The following OPCML variants were observed in gnomAD, a reference collection of about 807,000 sequenced individuals.
The protein encoded by OPCML is opioid binding protein/cell adhesion molecule like.
A neutral mutation model predicts 37.8 loss-of-function variants in OPCML; 13 were observed. That is an observed-to-expected ratio of 0.34 (90% CI 0.22 to 0.55). The LOEUF is 0.55. Ranked by LOEUF, OPCML falls within the 20% of genes least tolerant of loss-of-function variation. The probability of loss-of-function intolerance (pLI) is 0.91; values close to 1 mark genes in which losing one functional copy is unlikely to be tolerated. For synonymous variants in OPCML, 176 were observed against 168.8 expected, an observed-to-expected ratio of 1.04 and a Z score of -0.33; for missense variants, 341 against 435.6, an observed-to-expected ratio of 0.78 and a Z score of 1.93.
intron 2 of OPCML, among the ~76,000 whole-genome samples, chr11:132,734,575 T>C (rs1470187789): frequency 2.0e-5 from 3 of 152,192 alleles, no homozygotes; most frequent in Non-Finnish European, 4.4e-5. Flanking sequence ...CATGACAGCA[T>C]CTTCATGAGA....
At chr11:133,463,112 T>C (rs1369059938) in intron 1 of OPCML, among the ~76,000 whole-genome samples, 6 of 106,752 alleles carry the variant, frequency 5.6e-5, no homozygotes, top group African/African-American at 2.7e-4. Context: ...GTTCATGACA[T>C]CAGGCTCAAA....
intron 1 of OPCML, among the ~76,000 whole-genome samples, chr11:133,375,450 C>A (rs1944781985): frequency 1.3e-5 from 2 of 152,224 alleles, no homozygotes; most frequent in South Asian, 4.1e-4. Context: ...ATTTCTTACA[C>A]CTCATTTCTC....
intron 2 of OPCML, among the ~76,000 whole-genome samples, chr11:132,865,733 T>C (rs1942515258): frequency 6.6e-6 from 1 of 152,330 alleles, no homozygotes; most frequent in East Asian, 1.9e-4. Context: ...CCTGCTGTCA[T>C]GACGATGCAG....
chr11:133,088,836 G>A (rs1430630687), intron 1 of OPCML, among the ~76,000 whole-genome samples: 3 of 152,126 alleles, frequency 2.0e-5, no homozygotes, highest in Admixed American at 2.0e-4. Context: ...TTCTAAAACG[G>A]GGAGAATAAG....
intron 1 of OPCML, among the ~76,000 whole-genome samples, chr11:133,476,799 C>A (rs193143961): frequency 6.6e-6 from 1 of 152,302 alleles, no homozygotes; most frequent in Admixed American, 6.5e-5. Context: ...CCATTTCACA[C>A]CCCCGCTGGC....
chr11:132,956,418 G>A (rs545906503), intron 1 of OPCML, among the ~76,000 whole-genome samples: 11 of 152,274 alleles, frequency 7.2e-5, no homozygotes, highest in South Asian at 2.1e-4. Flanking sequence ...TTCTCATAAC[G>A]TATGTTTACA....
At chr11:132,862,826 A>C (rs1420771932) in intron 2 of OPCML, among the ~76,000 whole-genome samples, 3 of 152,234 alleles carry the variant, frequency 2.0e-5, no homozygotes, top group Non-Finnish European at 4.4e-5. Context: ...TTGGCTTAAA[A>C]TATTTCAAAT....
At chr11:133,289,637 G>A (rs1005978307) in intron 1 of OPCML, among the ~76,000 whole-genome samples, 3 of 150,494 alleles carry the variant, frequency 2.0e-5, no homozygotes, top group African/African-American at 4.9e-5. Context: ...TTAGTTTCAC[G>A]CTATTCCCAT....
At chr11:133,479,945 C>A (rs534282074) in intron 1 of OPCML, among the ~76,000 whole-genome samples, 31 of 152,314 alleles carry the variant, frequency 2.0e-4, no homozygotes, top group African/African-American at 7.5e-4. Flanking sequence ...TTTCTGAGCA[C>A]CACCCAAGGA....
intron 4 of OPCML, among the ~76,000 whole-genome samples, chr11:132,499,943 T>C (rs1206573914): frequency 6.6e-6 from 1 of 152,186 alleles, no homozygotes; most frequent in Non-Finnish European, 1.5e-5. Flanking sequence ...AACCCAAGTA[T>C]AGGCCTATTT....
At chr11:133,330,271 A>C (rs1943585803) in intron 1 of OPCML, among the ~76,000 whole-genome samples, 1 of 152,242 alleles carries the variant, frequency 6.6e-6, no homozygotes, top group Non-Finnish European at 1.5e-5. Flanking sequence ...TGTGGAAGTC[A>C]GTGTGGCGAT....
chr11:132,487,390 C>G (rs1293875706), intron 4 of OPCML, among the ~76,000 whole-genome samples: 1 of 152,224 alleles, frequency 6.6e-6, no homozygotes, highest in African/African-American at 2.4e-5. Context: ...TAATCTCCAA[C>G]ATACCCATGG....
At chr11:133,367,838 C>T (rs2136741965) in intron 1 of OPCML, among the ~76,000 whole-genome samples, 1 of 152,250 alleles carries the variant, frequency 6.6e-6, no homozygotes, top group East Asian at 1.9e-4. Flanking sequence ...CATTTAGCAC[C>T]CCATTAGCCA....
At chr11:133,390,859 C>T (rs1221382860) in intron 1 of OPCML, among the ~76,000 whole-genome samples, 2 of 152,164 alleles carry the variant, frequency 1.3e-5, no homozygotes, top group Admixed American at 1.3e-4. Flanking sequence ...ACTATAGGCC[C>T]CTCCATTCCA....
chr11:133,232,852 C>G (rs188428820), intron 1 of OPCML, among the ~76,000 whole-genome samples: 55 of 152,310 alleles, frequency 3.6e-4, no homozygotes, highest in African/African-American at 1.3e-3. Context: ...TCAAATGCAT[C>G]ATTAAAAGTA....
chr11:132,855,938 G>C (rs561518028), intron 2 of OPCML, among the ~76,000 whole-genome samples: 1 of 152,254 alleles, frequency 6.6e-6, no homozygotes, highest in Admixed American at 6.5e-5. Flanking sequence ...TCTTCCCTTT[G>C]GTGACCAGTT....
intron 1 of OPCML, among the ~76,000 whole-genome samples, chr11:133,494,731 G>A (rs1180874570): frequency 2.4e-5 from 3 of 123,588 alleles, no homozygotes; most frequent in African/African-American, 4.3e-5. Flanking sequence ...TGGGGCGGGG[G>A]GACGGGGGAG....
At chr11:133,146,560 G>A (rs185380697) in intron 1 of OPCML, among the ~76,000 whole-genome samples, 171 of 152,158 alleles carry the variant, frequency 1.1e-3, no homozygotes, top group Non-Finnish European at 1.6e-3. Context: ...TGACTTGCCC[G>A]CCTCGGCCTC....
intron 1 of OPCML, among the ~76,000 whole-genome samples, chr11:133,363,297 C>A (rs917823934): frequency 6.6e-6 from 1 of 152,150 alleles, no homozygotes; most frequent in Non-Finnish European, 1.5e-5. Flanking sequence ...AGAACATGAT[C>A]GTGGAAACGA....
Sources: gnomAD v4.1 joint callset for allele counts (sites outside exome capture counted in the v4.1 genomes callset) on GRCh38, gnomAD v4.1.1 for gene constraint, MANE v1.5 for transcripts, NCBI Gene and HGNC (gene_info 2026-07-23, HGNC 2026-07-21) for gene names.